Variants in DLG2 observed in about 807,000 individuals in gnomAD.
DLG2 encodes discs large MAGUK scaffold protein 2.
Under a neutral mutation model 132.5 loss-of-function variants are expected in DLG2, and 45 were observed. The ratio of observed to expected loss-of-function variants is 0.34; its 90% CI spans 0.27 to 0.44. The LOEUF (loss-of-function observed/expected upper bound fraction) is 0.44, where lower values mean the gene tolerates loss of function less well. Among genes scored for constraint, DLG2 ranks in the 20% least tolerant of loss-of-function variants. The pLI is 1.00. For synonymous variants in DLG2, 424 were observed against 419.6 expected (o/e 1.01, Z -0.13); for missense variants, 1,045 against 1,196.9 (o/e 0.87, Z 1.87).
At chr11:85,107,494 T>G in intron 6 of DLG2, among the ~76,000 whole-genome samples, 1 of 152,048 alleles carries the variant, frequency 6.6e-6, no homozygotes, top group East Asian at 1.9e-4. Context: ...CCACTCAAGC[T>G]TCTTACAGTT....
At chr11:85,143,579 T>C (rs1306418743) in intron 5 of DLG2, among the ~76,000 whole-genome samples, 1 of 151,832 alleles carries the variant, frequency 6.6e-6, no homozygotes, top group African/African-American at 2.4e-5. Context: ...TATACTTCCA[T>C]CTTACAATTG....
At chr11:84,875,019 CAAAAAA>C (rs563276131) in intron 6 of DLG2, among the ~76,000 whole-genome samples, 33 of 59,900 alleles carry the variant, frequency 5.5e-4, no homozygotes, top group Non-Finnish European at 4.5e-4. Context: ...TACTTCATCT[CAAAAAA>C]AAAAAAAAAA....
intron 7 of DLG2, among the ~76,000 whole-genome samples, chr11:84,386,197 C>T (rs1422742124): frequency 2.0e-5 from 3 of 151,920 alleles, no homozygotes; most frequent in Non-Finnish European, 2.9e-5. Flanking sequence ...GGGAATTGTC[C>T]TTACTTTATT....
chr11:84,365,215 T>C (rs1408222071), intron 7 of DLG2, among the ~76,000 whole-genome samples: 1 of 152,184 alleles, frequency 6.6e-6, no homozygotes, highest in Admixed American at 6.6e-5. Context: ...ATTCAGAGAT[T>C]CAACTTCTTC....
At chr11:84,299,924 G>A (rs1175072909) in intron 7 of DLG2, among the ~76,000 whole-genome samples, 1 of 152,128 alleles carries the variant, frequency 6.6e-6, no homozygotes, top group African/African-American at 2.4e-5. Flanking sequence ...GATGAGAAGA[G>A]TCAAGAGAGT....
At chr11:84,970,536 T>G (rs2053963852) in intron 6 of DLG2, among the ~76,000 whole-genome samples, 1 of 152,204 alleles carries the variant, frequency 6.6e-6, no homozygotes, top group Non-Finnish European at 1.5e-5. Context: ...ATGTGATGAC[T>G]GCTGAGGGCT....
intron 7 of DLG2, among the ~76,000 whole-genome samples, chr11:84,362,598 C>A (rs976572749): frequency 6.6e-6 from 1 of 151,534 alleles, no homozygotes; most frequent in Admixed American, 6.6e-5. Context: ...CATGCTGGTG[C>A]GCTGCACCCA....
At chr11:84,813,911 A>G (rs2076833413) in intron 6 of DLG2, among the ~76,000 whole-genome samples, 1 of 151,966 alleles carries the variant, frequency 6.6e-6, no homozygotes, top group South Asian at 2.1e-4. Context: ...TTGCTCTTCT[A>G]TCATTTGGAA....
chr11:85,424,304 G>A (rs2090549272), intron 3 of DLG2, among the ~76,000 whole-genome samples: 1 of 152,004 alleles, frequency 6.6e-6, no homozygotes, highest in South Asian at 2.1e-4. Context: ...TTTTTTCGGG[G>A]GATCTGTGGG....
intron 10 of DLG2, among the ~76,000 whole-genome samples, chr11:84,062,777 A>G (rs1217309777): frequency 6.7e-6 from 1 of 150,246 alleles, no homozygotes; most frequent in Non-Finnish European, 1.5e-5. Flanking sequence ...GAGGTGGGGT[A>G]GTTTACATTC....
chr11:84,380,860 A>G (rs561733968), intron 7 of DLG2, among the ~76,000 whole-genome samples: 2 of 152,058 alleles, frequency 1.3e-5, no homozygotes, highest in Admixed American at 6.6e-5. Context: ...ATCATTTTGC[A>G]TAATTCCAAG....
intron 18 of DLG2, among the ~76,000 whole-genome samples, chr11:83,665,209 T>C (rs2075267719): frequency 6.6e-6 from 1 of 152,054 alleles, no homozygotes. Flanking sequence ...TACCGTAAAA[T>C]AGAACTGGGG....
At chr11:83,903,232 A>G (rs2073941800) in intron 15 of DLG2, among the ~76,000 whole-genome samples, 1 of 152,108 alleles carries the variant, frequency 6.6e-6, no homozygotes, top group Non-Finnish European at 1.5e-5. Context: ...GCTATATAGT[A>G]AACTCCCTAA....
chr11:83,462,269 G>A (rs1316758909), intron 26 of DLG2, 176 bp from the exon 27 acceptor site: 9 of 553,742 alleles, frequency 1.6e-5, no homozygotes, highest in Non-Finnish European at 2.6e-5. Context: ...AGGACTCACG[G>A]CCAGAAAGCT....
chr11:85,410,186 T>C (rs2089188604), intron 3 of DLG2, among the ~76,000 whole-genome samples: 2 of 151,886 alleles, frequency 1.3e-5, no homozygotes, highest in Non-Finnish European at 2.9e-5. Flanking sequence ...GGGTGTGAAG[T>C]AGAAGAGGCT....
chr11:84,049,643 T>A (rs980309901), intron 11 of DLG2, among the ~76,000 whole-genome samples: 6 of 151,826 alleles, frequency 4.0e-5, no homozygotes, highest in African/African-American at 1.4e-4. Context: ...AAATTTAGCA[T>A]TGGCCAGGAT....
intron 14 of DLG2, among the ~76,000 whole-genome samples, chr11:83,961,780 C>T (rs534054830): frequency 2.8e-4 from 43 of 152,030 alleles, no homozygotes; most frequent in African/African-American, 9.9e-4. Context: ...CTTAGAGAGC[C>T]GTGAGGATTA....
chr11:84,652,540 G>A (rs1370197310), intron 6 of DLG2, among the ~76,000 whole-genome samples: 2 of 152,116 alleles, frequency 1.3e-5, no homozygotes, highest in Non-Finnish European at 2.9e-5. Flanking sequence ...TTTATGGAAT[G>A]TGTAAGGAAA....
chr11:85,198,743 A>G (rs2081240390), intron 4 of DLG2, among the ~76,000 whole-genome samples: 1 of 152,178 alleles, frequency 6.6e-6, no homozygotes. Context: ...TTTGAGTTCA[A>G]CCAGCTTTTT....
Sources: allele counts gnomAD v4.1 joint callset (sites outside exome capture counted in the v4.1 genomes callset), GRCh38; gene constraint gnomAD v4.1.1; transcripts MANE v1.5; gene names NCBI Gene and HGNC (gene_info 2026-07-23, HGNC 2026-07-21).